Variants in OPCML observed in about 807,000 individuals in gnomAD.
OPCML encodes the protein opioid-binding protein/cell adhesion molecule.
In OPCML, 13 loss-of-function variants were observed where a neutral mutation model predicts 37.8. That is an observed-to-expected ratio of 0.34 (90% CI 0.22 to 0.55). The LOEUF is 0.55. Ranked by LOEUF, OPCML falls within the 20% of genes least tolerant of loss-of-function variation. The pLI, the probability that OPCML is intolerant of heterozygous loss-of-function variation, is 0.91. For synonymous variants in OPCML, 176 were observed against 168.8 expected (o/e 1.04, Z -0.33); for missense variants, 341 against 435.6 (o/e 0.78, Z 1.93).
At chr11:132,595,002 T>C (rs2096490278) in intron 3 of OPCML, among the ~76,000 whole-genome samples, 1 of 152,180 alleles carries the variant, frequency 6.6e-6, no homozygotes, top group Non-Finnish European at 1.5e-5. Flanking sequence ...AAAATCATCA[T>C]TGAGTTGTTG....
At chr11:132,729,273 C>G (rs551389849) in intron 2 of OPCML, among the ~76,000 whole-genome samples, 22 of 152,266 alleles carry the variant, frequency 1.4e-4, no homozygotes, top group African/African-American at 5.3e-4. Flanking sequence ...CATACCCAGG[C>G]AGCTTTTTTT....
intron 3 of OPCML, among the ~76,000 whole-genome samples, chr11:132,612,330 T>G (rs1938699903): frequency 6.6e-6 from 1 of 152,210 alleles, no homozygotes; most frequent in Non-Finnish European, 1.5e-5. Flanking sequence ...GAAGCATAAG[T>G]TTGTAATATA....
At chr11:133,023,082 C>T (rs1158747186) in intron 1 of OPCML, among the ~76,000 whole-genome samples, 1 of 152,222 alleles carries the variant, frequency 6.6e-6, no homozygotes, top group Non-Finnish European at 1.5e-5. Flanking sequence ...GATGAGTTAG[C>T]TCTTTAACAT....
chr11:132,825,526 A>T (rs1255025947), intron 2 of OPCML, among the ~76,000 whole-genome samples: 5 of 152,204 alleles, frequency 3.3e-5, no homozygotes, highest in Non-Finnish European at 5.9e-5. Flanking sequence ...TTGGAAAACT[A>T]TTGTGAAGGT....
intron 3 of OPCML, among the ~76,000 whole-genome samples, chr11:132,599,142 G>GTGTA (rs1937650453): frequency 6.6e-6 from 1 of 152,056 alleles, no homozygotes; most frequent in East Asian, 1.9e-4. Context: ...AGCCAGGAGT[G>GTGTA]GTGGCATATG....
chr11:132,457,289 C>T (rs1185869931), intron 4 of OPCML, among the ~76,000 whole-genome samples: 1 of 152,212 alleles, frequency 6.6e-6, no homozygotes, highest in African/African-American at 2.4e-5. Context: ...TAGGGCATGG[C>T]TGCTTCCGAT....
At position 133,430,113 on chromosome 11, in the gene OPCML, C is replaced by T. The variant is rs144848735; in HGVS notation, c.61+102151G>A. Among the ~76,000 whole-genome samples, 720 of 152,142 alleles carry T rather than the reference C, an allele frequency of 4.7e-3. 5 individuals are homozygous for T. Among genetic ancestry groups the T allele is most frequent in the African/African-American group, 0.015 (626 of 41,480 alleles). Reference sequence around the variant, plus strand: ...GTGATGAAACTGTTGCTGCAAGAGACGGTTAAGCTGTGCAAATACCGCTGA... The same window carrying T: ...GTGATGAAACTGTTGCTGCAAGAGATGGTTAAGCTGTGCAAATACCGCTGA... On this transcript the variant is annotated intron_variant, in intron 1 of 7. Coordinates refer to ENST00000524381, the MANE Select transcript of OPCML (RefSeq NM_001012393.5).
intron 2 of OPCML, among the ~76,000 whole-genome samples, chr11:132,881,650 C>T (rs1444775135): frequency 2.0e-5 from 3 of 151,902 alleles, no homozygotes; most frequent in African/African-American, 4.8e-5. Context: ...AAAAAAAGGC[C>T]GTCTTCAGAA....
intron 1 of OPCML, among the ~76,000 whole-genome samples, chr11:133,158,226 G>A (rs550363771): frequency 4.6e-5 from 7 of 152,222 alleles, no homozygotes; most frequent in East Asian, 1.9e-4. Flanking sequence ...TTCCCGTACC[G>A]ATTCCTGAAA....
At chr11:132,838,179 A>T (rs10791259) in intron 2 of OPCML, among the ~76,000 whole-genome samples, 121,503 of 152,118 alleles carry the variant, frequency 0.8, 49,268 homozygotes, top group Middle Eastern at 0.88. Flanking sequence ...ATAACAAAAC[A>T]TGTTTATTAA....
At chr11:132,459,773 C>G (rs986353837) in intron 4 of OPCML, among the ~76,000 whole-genome samples, 10 of 152,034 alleles carry the variant, frequency 6.6e-5, no homozygotes, top group Admixed American at 5.9e-4. Flanking sequence ...AATATTGCCA[C>G]CAATCTCATC....
intron 3 of OPCML, among the ~76,000 whole-genome samples, chr11:132,558,698 A>G (rs1185306285): frequency 6.6e-6 from 1 of 151,680 alleles, no homozygotes; most frequent in Admixed American, 6.6e-5. Context: ...ACTAAAATAC[A>G]AATACAGCTG....
intron 2 of OPCML, among the ~76,000 whole-genome samples, chr11:132,838,957 AT>A (rs1254518292): frequency 6.6e-6 from 1 of 152,206 alleles, no homozygotes; most frequent in Non-Finnish European, 1.5e-5. Flanking sequence ...GTTCTAGAAC[AT>A]TACCAAGTGC....
intron 2 of OPCML, among the ~76,000 whole-genome samples, chr11:132,759,049 T>A (rs970888715): frequency 1.3e-5 from 2 of 152,230 alleles, no homozygotes; most frequent in African/African-American, 4.8e-5. Flanking sequence ...TCTGCATCTA[T>A]TGAAATAATC....
At chr11:133,407,765 A>T (rs959232702) in intron 1 of OPCML, among the ~76,000 whole-genome samples, 18 of 152,216 alleles carry the variant, frequency 1.2e-4, no homozygotes, top group African/African-American at 4.3e-4. Flanking sequence ...ACTAGGTCAG[A>T]AAGTATCTGA....
At chr11:132,960,954 C>T (rs538052551) in intron 1 of OPCML, among the ~76,000 whole-genome samples, 104 of 152,266 alleles carry the variant, frequency 6.8e-4, no homozygotes, top group Non-Finnish European at 1.2e-3. Context: ...AGGGGAGAAG[C>T]AGCAGGTGCG....
At chr11:132,493,637 AAGG>A (rs1390189914) in intron 4 of OPCML, among the ~76,000 whole-genome samples, 2 of 152,182 alleles carry the variant, frequency 1.3e-5, no homozygotes, top group East Asian at 1.9e-4. Flanking sequence ...GTTCCCAAAA[AAGG>A]AGAAGGGGAG....
At chr11:132,680,610 C>T (rs554657756) in intron 2 of OPCML, among the ~76,000 whole-genome samples, 1 of 152,250 alleles carries the variant, frequency 6.6e-6, no homozygotes, top group East Asian at 1.9e-4. Context: ...GGCCACGCTA[C>T]CTCAGCTGTA....
intron 1 of OPCML, among the ~76,000 whole-genome samples, chr11:133,217,224 C>T (rs188961119): frequency 8.5e-5 from 13 of 152,298 alleles, no homozygotes; most frequent in Admixed American, 2.0e-4. Flanking sequence ...CTTGGTCAGA[C>T]GTTTCTAGCT....
Sources: gnomAD v4.1 joint callset for allele counts (sites outside exome capture counted in the v4.1 genomes callset) on GRCh38, gnomAD v4.1.1 for gene constraint, MANE v1.5 for transcripts, NCBI Gene and HGNC (gene_info 2026-07-23, HGNC 2026-07-21) for gene names.